Variants in TRAP1 observed in about 807,000 individuals in gnomAD.
TRAP1 encodes heat shock protein 75 kDa, mitochondrial.
TRAP1 carries 102 observed loss-of-function variants against 89.1 expected under a neutral mutation model. The observed-to-expected ratio is 1.15, with a 90% CI of 0.98 to 1.35. TRAP1 has a LOEUF of 1.35. Ranked by LOEUF, TRAP1 falls within the 40% of genes most tolerant of loss-of-function variation. TRAP1 has a pLI of 0.00. For synonymous variants in TRAP1, 508 were observed against 388.0 expected (o/e 1.31, Z -3.64); for missense variants, 1,256 against 945.3 (o/e 1.33, Z -4.31).
At position 3,677,571 on chromosome 16, in the gene TRAP1, C is replaced by T; in HGVS notation, c.631G>A (p.Val211Met). ...FGVGFYSAFM[V>M]ADRVEVYSRS... ...GAATAGACCTCCACTCTGTCAGCCA[C>T]CATGAAAGCTGAGTAGAAACCCACT... Residue 211 changes from valine to methionine, a missense_variant, in exon 6 of 18, where the codon GTG (valine) becomes ATG (methionine). Coordinates refer to ENST00000246957, the MANE Select transcript of TRAP1 (RefSeq NM_016292.3). 1 of 1,614,198 alleles carries T rather than the reference C, an allele frequency of 6.2e-7. No individual in the cohort carries two copies. Among genetic ancestry groups the T allele is most frequent in the Non-Finnish European group, 8.5e-7 (1 of 1,180,032 alleles).
At position 3,702,077 on chromosome 16, in the gene TRAP1, G is replaced by A. The variant is rs372834610; in HGVS notation, c.89-11092C>T. On this transcript the variant is annotated intron_variant, in intron 1 of 17. Transcript: ENST00000246957. ...ACAAAAATTAGCTGGGTGTGGTGGC[G>A]TGCACCTGTAATCCCAGCCTGGGCG... Among the ~76,000 whole-genome samples the A allele has an allele frequency of 4.6e-5, 7 of 152,134 alleles. No individual in the cohort carries two copies. The South Asian group carries it at 8.3e-4, about 18-fold the overall frequency.
rs1031690293 is a variant in TRAP1 at position 3,663,557 on chromosome 16, G to A, written c.1575C>T (p.Leu525=). ...GCTCATCAAACTGCTCAAAGCAGAAGAGAACCTGCAGGTGGCCAAGAGCAG... is the reference window on the plus strand; with the variant it reads ...GCTCATCAAACTGCTCAAAGCAGAAAAGAACCTGCAGGTGGCCAAGAGCAG... ...EAMKKKDTEV[L]FCFEQFDELT... The change falls in exon 14 of 18, where the codon CTC becomes CTT. Residue 525 remains leucine, a synonymous_variant. Coordinates refer to ENST00000246957, the MANE Select transcript of TRAP1 (RefSeq NM_016292.3). 2 of 1,613,736 alleles carry A rather than the reference G, an allele frequency of 1.2e-6. No homozygotes were observed. The highest frequency in any genetic ancestry group is 8.5e-7 in the Non-Finnish European group (1 of 1,179,946).
chr16:3,674,219 C>T (rs895359750), intron 9 of TRAP1, 120 bp downstream of exon 9: 5 of 1,358,706 alleles, frequency 3.7e-6, no homozygotes, highest in Non-Finnish European at 5.0e-6. Context: ...CCACACCCAG[C>T]ACTACCTATG....
intron 11 of TRAP1, among the ~76,000 whole-genome samples, chr16:3,670,369 C>G (rs1194055696): frequency 2.7e-5 from 2 of 73,382 alleles, no homozygotes; most frequent in Admixed American, 3.9e-4. Flanking sequence ...GGCGACAGAG[C>G]AAGACTCCGT....
chr16:3,684,529 T>C (rs910026339), intron 4 of TRAP1, among the ~76,000 whole-genome samples: 3 of 152,146 alleles, frequency 2.0e-5, no homozygotes, highest in South Asian at 2.1e-4. Flanking sequence ...TGGTGGCTCA[T>C]GCCTGTAATC....
At chr16:3,677,688 G>C in intron 5 of TRAP1, 30 bp from the exon 6 acceptor site, 1 of 1,605,198 alleles carries the variant, frequency 6.2e-7, no homozygotes, top group Non-Finnish European at 8.5e-7. Context: ...TAGTGAGGCA[G>C]CCTCCCCTCC....
Position 3,674,324 on chromosome 16 carries a change from G to C in TRAP1, c.1044+15C>G. ...GAGTCACCCTGAGGGCCGTGGGACTGCCACAGTGCCTCACCATGTCGGGCA... is the reference window on the plus strand; with the variant it reads ...GAGTCACCCTGAGGGCCGTGGGACTCCCACAGTGCCTCACCATGTCGGGCA... On this transcript the variant is annotated intron_variant, in intron 9 of 17. Transcript: ENST00000246957. 1 of 1,613,388 alleles carries C rather than the reference G, an allele frequency of 6.2e-7. No individual in the cohort carries two copies. Among genetic ancestry groups the C allele is most frequent in the Non-Finnish European group, 8.5e-7 (1 of 1,179,664 alleles).
chr16:3,705,097 C>G (rs908853561), intron 1 of TRAP1, among the ~76,000 whole-genome samples: 1 of 152,118 alleles, frequency 6.6e-6, no homozygotes, highest in Non-Finnish European at 1.5e-5. Flanking sequence ...CGGAGTCTCG[C>G]TCTGTCGCCC....
intron 1 of TRAP1, among the ~76,000 whole-genome samples, chr16:3,693,055 C>T (rs1454581409): frequency 1.3e-5 from 2 of 151,980 alleles, no homozygotes; most frequent in East Asian, 3.9e-4. Flanking sequence ...TGGGTTCAAG[C>T]GATTCTCCTG....
intron 1 of TRAP1, among the ~76,000 whole-genome samples, chr16:3,701,682 G>A (rs1211035511): frequency 6.6e-6 from 1 of 152,100 alleles, no homozygotes; most frequent in East Asian, 1.9e-4. Flanking sequence ...AGCTCTCCAC[G>A]AGCTATGTAG....
At chr16:3,680,771 A>T (rs1465003440) in intron 4 of TRAP1, among the ~76,000 whole-genome samples, 4 of 152,182 alleles carry the variant, frequency 2.6e-5, no homozygotes, top group African/African-American at 9.7e-5. Context: ...CATGAATGGG[A>T]GTAGGGCCCT....
chr16:3,713,439 C>A (rs1372964102), intron 1 of TRAP1, among the ~76,000 whole-genome samples: 3 of 152,198 alleles, frequency 2.0e-5, no homozygotes, highest in Non-Finnish European at 4.4e-5. Flanking sequence ...CCCGACCTTC[C>A]TGGTGCTGGC....
intron 3 of TRAP1, chr16:3,687,325 A>C (rs1233807563): frequency 1.3e-5 from 2 of 152,212 alleles, no homozygotes; most frequent in African/African-American, 4.8e-5. Flanking sequence ...CATGACTGTG[A>C]GACTTCCCCA....
At chr16:3,675,471 G>T in intron 7 of TRAP1, 74 bp from the exon 8 acceptor site, 2 of 1,458,042 alleles carry the variant, frequency 1.4e-6, no homozygotes, top group Non-Finnish European at 1.9e-6. Context: ...GCAGCTCCAG[G>T]ATGAGCGCCA....
chr16:3,685,906 G>A (rs1016088499), intron 4 of TRAP1, 90 bp downstream of exon 4: 109 of 1,470,058 alleles, frequency 7.4e-5, no homozygotes, highest in Non-Finnish European at 8.1e-5. Flanking sequence ...CGGCCAGTAC[G>A]TCCCTGGGAC....
intron 1 of TRAP1, among the ~76,000 whole-genome samples, chr16:3,704,846 C>T (rs1254340655): frequency 6.6e-6 from 1 of 151,614 alleles, no homozygotes. Context: ...AGACCAACCT[C>T]TTATTTTTTT....
chr16:3,678,060 C>G (rs1051029456), intron 5 of TRAP1: 1 of 180,198 alleles, frequency 5.5e-6, no homozygotes, highest in Admixed American at 5.6e-5. Context: ...GTCTCCTGGA[C>G]TCTACACTTT....
rs1380795698 is a variant in TRAP1, at chr16:3,679,742, T to G, written c.520A>C (p.Thr174Pro). Residue 174 changes from threonine to proline, a missense_variant, in exon 5 of 18, where the codon ACG becomes CCG. Transcript: ENST00000246957. ...ACCTTTGACCCCGATCTGGCAATCG[T>G]CCCCAGGTTGGACACCAGCTCTTCC... The part of the protein sequence containing the change: ...TQEELVSNLG[T>P]IARSGSKAFL... 6.2e-7 allele frequency: 1 copy of G among 1,613,938 alleles called. No individual in the cohort carries two copies. Among genetic ancestry groups the G allele is most frequent in the Non-Finnish European group, 8.5e-7 (1 of 1,180,010 alleles).
At chr16:3,662,364 G>A in intron 15 of TRAP1, 2 of 603,532 alleles carry the variant, frequency 3.3e-6, no homozygotes, top group Admixed American at 3.0e-5. Flanking sequence ...GTGCCCCGCT[G>A]CTGCCTCCAG....
Sources: gnomAD v4.1 joint callset for allele counts (sites outside exome capture counted in the v4.1 genomes callset) on GRCh38, gnomAD v4.1.1 for gene constraint, MANE v1.5 for transcripts, NCBI Gene and HGNC (gene_info 2026-07-23, HGNC 2026-07-21) for gene names.